The following AGBL4 variants were observed in gnomAD, a reference collection of about 807,000 sequenced individuals.
AGBL4 encodes the protein cytosolic carboxypeptidase 6.
Under a neutral mutation model 66.4 loss-of-function variants are expected in AGBL4, and 58 were observed. The observed-to-expected ratio is 0.87, with a 90% confidence interval of 0.71 to 1.09. The LOEUF is 1.09. Among genes scored for constraint, AGBL4 ranks in the 50% least tolerant of loss-of-function variants. The probability of loss-of-function intolerance (pLI) is 0.00; values close to 1 mark genes in which losing one functional copy is unlikely to be tolerated. For missense variants in AGBL4, 579 were observed against 631.0 expected (o/e 0.92, Z 0.88); for synonymous variants, 234 against 222.9 (o/e 1.05, Z -0.44).
chr1:49,303,947 GAT>G (rs2148449116), intron 3 of AGBL4, among the ~76,000 whole-genome samples: 1 of 152,214 alleles, frequency 6.6e-6, no homozygotes, highest in East Asian at 1.9e-4. Flanking sequence ...TCACTCTGGT[GAT>G]AGTTTCTTTT....
chr1:48,834,942 T>C (rs1314474143), intron 6 of AGBL4, among the ~76,000 whole-genome samples: 3 of 152,180 alleles, frequency 2.0e-5, no homozygotes, highest in African/African-American at 7.2e-5. Flanking sequence ...GGCGGCTGGC[T>C]TTCTTTACCA....
intron 2 of AGBL4, among the ~76,000 whole-genome samples, chr1:49,811,920 C>T (rs558894234): frequency 2.0e-4 from 31 of 152,264 alleles, no homozygotes; most frequent in African/African-American, 7.2e-4. Flanking sequence ...CCATCTAATT[C>T]CAAAGTATAT....
At chr1:49,037,269 G>A (rs1001866796) in intron 5 of AGBL4, among the ~76,000 whole-genome samples, 4 of 151,870 alleles carry the variant, frequency 2.6e-5, no homozygotes, top group South Asian at 2.1e-4. Flanking sequence ...TGTAGTCTTC[G>A]TGGTTTTCCT....
chr1:49,066,172 A>T (rs1027477987), intron 4 of AGBL4, among the ~76,000 whole-genome samples: 2 of 152,208 alleles, frequency 1.3e-5, no homozygotes, highest in African/African-American at 4.8e-5. Flanking sequence ...TATCAGTTCC[A>T]GAGGTAGCAA....
intron 5 of AGBL4, among the ~76,000 whole-genome samples, chr1:48,996,612 G>A (rs1347664068): frequency 6.6e-6 from 1 of 152,190 alleles, no homozygotes; most frequent in African/African-American, 2.4e-5. Flanking sequence ...AGAATTGGCA[G>A]GATGATGGTC....
At chr1:48,822,599 C>T (rs1051818553) in intron 6 of AGBL4, among the ~76,000 whole-genome samples, 4 of 152,314 alleles carry the variant, frequency 2.6e-5, no homozygotes, top group Admixed American at 6.5e-5. Context: ...ATGTATATGT[C>T]TTTGTCAATA....
intron 3 of AGBL4, among the ~76,000 whole-genome samples, chr1:49,559,741 TCAGCGACA>T (rs1349303074): frequency 6.6e-6 from 1 of 152,134 alleles, no homozygotes; most frequent in Non-Finnish European, 1.5e-5. Context: ...TCTTAAGCCT[TCAGCGACA>T]CATTGAAGGC....
At chr1:49,331,922 A>C (rs1480123865) in intron 3 of AGBL4, among the ~76,000 whole-genome samples, 1 of 152,088 alleles carries the variant, frequency 6.6e-6, no homozygotes, top group East Asian at 1.9e-4. Flanking sequence ...CTCCCTGGGA[A>C]GGAGTTCCGG....
chr1:49,256,104 T>C (rs1187910417), intron 3 of AGBL4, among the ~76,000 whole-genome samples: 1 of 152,126 alleles, frequency 6.6e-6, no homozygotes, highest in African/African-American at 2.4e-5. Context: ...CAAACCCTCA[T>C]GACACAGGTT....
intron 2 of AGBL4, 28 bp downstream of exon 2, chr1:49,851,362 CAAACTT>C: frequency 6.6e-7 from 1 of 1,513,696 alleles, no homozygotes; most frequent in Non-Finnish European, 8.8e-7. Flanking sequence ...CCTTACCAGA[CAAACTT>C]AAAAGGAAAA....
intron 6 of AGBL4, among the ~76,000 whole-genome samples, chr1:48,716,015 A>C (rs1158299808): frequency 6.6e-6 from 1 of 152,234 alleles, no homozygotes; most frequent in East Asian, 1.9e-4. Context: ...GGCAACAGCC[A>C]TGATTTGCTT....
chr1:49,386,589 T>A (rs1644742008), intron 3 of AGBL4, among the ~76,000 whole-genome samples: 1 of 151,974 alleles, frequency 6.6e-6, no homozygotes, highest in Non-Finnish European at 1.5e-5. Context: ...GATTTTCTTT[T>A]TATTATTTTT....
At chr1:49,940,671 A>G (rs913455973) in intron 1 of AGBL4, among the ~76,000 whole-genome samples, 1 of 151,982 alleles carries the variant, frequency 6.6e-6, no homozygotes, top group African/African-American at 2.4e-5. Context: ...TGGACACAGG[A>G]AGGGGAACAT....
chr1:49,830,704 T>C (rs555619344), intron 2 of AGBL4, among the ~76,000 whole-genome samples: 12 of 152,312 alleles, frequency 7.9e-5, no homozygotes, highest in African/African-American at 2.9e-4. Flanking sequence ...CTGAATGGTA[T>C]TGCCTAGGTT....
chr1:50,023,672 A>G, intron 1 of AGBL4, 91 bp downstream of exon 1: 1 of 1,424,074 alleles, frequency 7.0e-7, no homozygotes, highest in Non-Finnish European at 9.3e-7. Context: ...CCGCCTCCTC[A>G]GGAGTAGGAC....
intron 11 of AGBL4, among the ~76,000 whole-genome samples, chr1:48,556,349 C>T (rs545399689): frequency 9.5e-4 from 144 of 152,256 alleles, no homozygotes; most frequent in African/African-American, 3.2e-3. Flanking sequence ...TGACTGCCTC[C>T]CTCTCTTTAA....
At chr1:48,964,965 C>T (rs1017543706) in intron 5 of AGBL4, among the ~76,000 whole-genome samples, 3 of 152,136 alleles carry the variant, frequency 2.0e-5, no homozygotes, top group African/African-American at 7.2e-5. Flanking sequence ...AAGTTGTTGC[C>T]TCAAAAGTTG....
chr1:49,947,963 A>AATATATATTTATAT (rs1655402878), intron 1 of AGBL4, among the ~76,000 whole-genome samples: 1 of 74,942 alleles, frequency 1.3e-5, no homozygotes, highest in East Asian at 7.0e-4. Context: ...TATATATATA[A>AATATATATTTATAT]ATATATATAT....
intron 9 of AGBL4, among the ~76,000 whole-genome samples, chr1:48,609,167 G>T (rs1210930626): frequency 6.6e-6 from 1 of 152,090 alleles, no homozygotes; most frequent in African/African-American, 2.4e-5. Context: ...CATGCTGAGA[G>T]AGCCTCTAAT....
Sources: gnomAD v4.1 joint callset for allele counts (sites outside exome capture counted in the v4.1 genomes callset) on GRCh38, gnomAD v4.1.1 for gene constraint, MANE v1.5 for transcripts, NCBI Gene and HGNC (gene_info 2026-07-23, HGNC 2026-07-21) for gene names.